Variants in PSG3 observed in about 807,000 individuals in gnomAD.
PSG3 encodes pregnancy-specific beta-1-glycoprotein 3.
Under a neutral mutation model 47.5 loss-of-function variants are expected in PSG3, and 61 were observed. The observed-to-expected ratio is 1.28, with a 90% confidence interval of 1.05 to 1.59. The LOEUF (loss-of-function observed/expected upper bound fraction) is 1.59. PSG3 is among the 40% of genes most tolerant of loss of function. The pLI, the probability that PSG3 is intolerant of heterozygous loss-of-function variation, is 0.00. For missense variants in PSG3, 756 were observed against 524.0 expected, an observed-to-expected ratio of 1.44 and a Z score of -4.32; for synonymous variants, 263 against 198.4, an observed-to-expected ratio of 1.33 and a Z score of -2.74.
At chr19:42,722,156 A>C in intron 6 of PSG3, 66 bp from the exon 7 acceptor site, 3 of 404,186 alleles carry the variant, frequency 7.4e-6, no homozygotes, top group Non-Finnish European at 1.3e-5. Context: ...TATGGTAAAG[A>C]CACAGCTCAC....
At chr19:42,724,765 A>G (rs1479938524) in intron 5 of PSG3, among the ~76,000 whole-genome samples, 4 of 151,962 alleles carry the variant, frequency 2.6e-5, no homozygotes, top group Admixed American at 1.3e-4. Context: ...CATCTCAGTC[A>G]GTAAAAACTA....
At chr19:42,738,607 C>T in intron 2 of PSG3, 117 bp downstream of exon 2, 1 of 1,590,392 alleles carries the variant, frequency 6.3e-7, no homozygotes. Flanking sequence ...ATGCCCAAAC[C>T]CCAGCATGGG....
intron 2 of PSG3, among the ~76,000 whole-genome samples, chr19:42,737,801 T>C (rs977843342): frequency 3.9e-5 from 6 of 152,210 alleles, no homozygotes; most frequent in African/African-American, 1.4e-4. Context: ...GACTGTGGCT[T>C]CCTGTGCCTC....
In PSG3 at chr19:42,733,029, T is replaced by C. The variant is rs776770877; in HGVS notation, c.464A>G (p.Asn155Ser). 3 of 1,613,978 alleles carry C rather than the reference T, an allele frequency of 1.9e-6. No homozygotes were observed. Among genetic ancestry groups the C allele is most frequent in the South Asian group, 2.2e-5 (2 of 91,072 alleles). The change falls in exon 3 of 7, where the codon AAC becomes AGC. Residue 155 changes from asparagine (N) to serine (S), a missense_variant. Coordinates refer to ENST00000327495, the MANE Select transcript of PSG3 (RefSeq NM_021016.4). ...ETPKPSISSS[N>S]LYPREDMEAV... ...CTCCATGTCCTCCCTGGGGTATAAGTTGCTGCTGGAGATGGAGGGCTTGGG... is the reference window on the plus strand; with the variant it reads ...CTCCATGTCCTCCCTGGGGTATAAGCTGCTGCTGGAGATGGAGGGCTTGGG...
chr19:42,725,672 A>T (rs1361963726), intron 5 of PSG3, among the ~76,000 whole-genome samples: 1 of 152,110 alleles, frequency 6.6e-6, no homozygotes, highest in African/African-American at 2.4e-5. Context: ...CAGCATAGGT[A>T]ACCTGGGGAG....
chr19:42,730,225 A>G (rs980797657), intron 3 of PSG3, among the ~76,000 whole-genome samples, 169 bp from the exon 4 acceptor site: 2 of 152,182 alleles, frequency 1.3e-5, no homozygotes, highest in African/African-American at 4.8e-5. Context: ...AAGGGCTCAA[A>G]GACTGTGAGG....
intron 1 of PSG3, among the ~76,000 whole-genome samples, chr19:42,739,754 T>G (rs552688371): frequency 1.3e-5 from 2 of 152,348 alleles, no homozygotes; most frequent in East Asian, 3.9e-4. Flanking sequence ...AAGTGTCATC[T>G]GATATAGTTA....
chr19:42,732,473 C>T lies in PSG3; in HGVS notation c.709+311G>A, dbSNP rs1477040712. 2.1e-5 allele frequency: 12 copies of T among 566,956 alleles called. No individual in the cohort carries two copies. In the East Asian group the frequency reaches 3.3e-4, roughly 16 times the overall value. 35.1% of individuals were successfully genotyped at this position (566,956 alleles called of 1,614,324 possible). A position where few individuals can be genotyped will look rare whatever the true frequency, so the allele number is the denominator to read the frequency against. On this transcript the variant is annotated intron_variant, in intron 3 of 6. Coordinates refer to ENST00000327495, the MANE Select transcript of PSG3 (RefSeq NM_021016.4). ...GAAGGGCCACAGTGACCCTGTGAGC[C>T]AAGTTGCAACACTGAAGTCCCAGCC...
At chr19:42,729,697 G>C in intron 4 of PSG3, 81 bp downstream of exon 4, 1 of 1,572,124 alleles carries the variant, frequency 6.4e-7, no homozygotes. Flanking sequence ...ACTTGGACCA[G>C]AGAGAGAGTG....
intron 3 of PSG3, among the ~76,000 whole-genome samples, chr19:42,731,334 A>G (rs1969470304): frequency 6.6e-6 from 1 of 152,252 alleles, no homozygotes; most frequent in African/African-American, 2.4e-5. Context: ...CTCAAAATCT[A>G]AAATGCTTCA....
chr19:42,733,218 T>C (rs994046126), intron 2 of PSG3, among the ~76,000 whole-genome samples, 156 bp from the exon 3 acceptor site: 3 of 152,168 alleles, frequency 2.0e-5, no homozygotes, highest in Non-Finnish European at 4.4e-5. Flanking sequence ...TGCATGGCAA[T>C]CTGAGGGCTC....
chr19:42,735,316 A>T (rs1437773365), intron 2 of PSG3, among the ~76,000 whole-genome samples: 1 of 152,148 alleles, frequency 6.6e-6, no homozygotes, highest in Non-Finnish European at 1.5e-5. Flanking sequence ...TTCTTTCCTC[A>T]GCTATGTTCA....
At chr19:42,732,335 G>A (rs1392852206) in intron 3 of PSG3, 2 of 222,872 alleles carry the variant, frequency 9.0e-6, no homozygotes, top group South Asian at 1.8e-4. Flanking sequence ...GGCTTCCCCT[G>A]TATGGTAATA....
In PSG3 at chr19:42,729,822, C is replaced by T. The variant is rs151272583; in HGVS notation, c.944G>A (p.Arg315Gln). 7.5e-5 allele frequency: 121 copies of T among 1,612,268 alleles called. No homozygotes were observed. The highest frequency in any genetic ancestry group is 9.3e-5 in the Non-Finnish European group (110 of 1,179,290). ...TGGGTAACTGCGGATGCCACCATAT[C>T]GGTCCTGTATTTCACATTGATAGGG... ...TGPYQCEIQD[R>Q]YGGIRSYPVT... Residue 315 changes from arginine (R) to glutamine (Q), a missense_variant, in exon 4 of 7, where the codon CGA becomes CAA. Coordinates refer to ENST00000327495, the MANE Select transcript of PSG3 (RefSeq NM_021016.4).
At position 42,729,196 on chromosome 19, in the gene PSG3, C is replaced by A. The variant is rs1317840366; in HGVS notation, c.1170G>T (p.Gly390=). 1.2e-6 allele frequency: 2 copies of A among 1,613,970 alleles called. No individual in the cohort carries two copies. Among genetic ancestry groups the A allele is most frequent in the South Asian group, 1.1e-5 (1 of 91,074 alleles). Residue 390 remains glycine, a synonymous_variant, in exon 5 of 7, where the codon GGG becomes GGT. Transcript: ENST00000327495. ...FIPQITTKHS[G]LYACSVRNSA... ...AGTTACGAACAGAGCAAGCATAGAG[C>A]CCGCTATGCTTTGTAGTAATCTGGG...
chr19:42,724,364 G>A (rs1969342105), intron 5 of PSG3, among the ~76,000 whole-genome samples: 1 of 152,158 alleles, frequency 6.6e-6, no homozygotes, highest in Admixed American at 6.5e-5. Flanking sequence ...CAGTGTCTCT[G>A]TTGTGGCAGT....
At chr19:42,739,215 AACACACAC>A in intron 1 of PSG3, 126 bp from the exon 2 acceptor site, 2 of 1,305,246 alleles carry the variant, frequency 1.5e-6, no homozygotes, top group Non-Finnish European at 2.1e-6. Flanking sequence ...CACACATACA[AACACACAC>A]ACACACACAA....
At position 42,730,062 on chromosome 19, in the gene PSG3, T is replaced by C. The variant is rs757926947; in HGVS notation, c.710-6A>G. On this transcript the variant is annotated splice_region_variant and splice_polypyrimidine_tract_variant and intron_variant, in intron 3 of 6. Transcript: ENST00000327495. ...GTAGGGCTTGGGCAGCTTCGCTGTG[T>C]GGATAACAGAGAGAAGATTGTCCTG... The C allele has an allele frequency of 1.9e-5, 31 of 1,610,648 alleles. No individual in the cohort carries two copies. Among genetic ancestry groups the C allele is most frequent in the Non-Finnish European group, 2.3e-5 (27 of 1,178,760 alleles).
chr19:42,724,163 A>G lies in PSG3; in HGVS notation c.1244-138T>C, dbSNP rs376126407. 309 of 1,390,664 alleles carry G rather than the reference A, an allele frequency of 2.2e-4. 2 individuals are homozygous for G. The East Asian group carries it at 4.3e-3, about 19-fold the overall frequency. 86.1% of individuals were successfully genotyped at this position (1,390,664 alleles called of 1,614,324 possible). A position where few individuals can be genotyped will look rare whatever the true frequency, so the allele number is the denominator to read the frequency against. ...ACGTTATTTCTGTTGGAAAATTGAT[A>G]GGAGATGATTATATTCTTGCAGTTT... On this transcript the variant is annotated intron_variant, in intron 5 of 6. Coordinates refer to ENST00000327495, the MANE Select transcript of PSG3 (RefSeq NM_021016.4).
Sources: gnomAD v4.1 joint callset for allele counts (sites outside exome capture counted in the v4.1 genomes callset) on GRCh38, gnomAD v4.1.1 for gene constraint, MANE v1.5 for transcripts, NCBI Gene and HGNC (gene_info 2026-07-23, HGNC 2026-07-21) for gene names.